The following HSCB variants were observed in gnomAD, a reference collection of about 807,000 sequenced individuals.
HSCB encodes HscB mitochondrial iron-sulfur cluster cochaperone, also known as iron-sulfur cluster co-chaperone protein HscB.
HSCB carries 23 observed loss-of-function variants against 31.3 expected under a neutral mutation model. That is an observed-to-expected ratio of 0.74 (90% CI 0.53 to 1.04). HSCB has a LOEUF of 1.04. Ranked by LOEUF, HSCB falls within the 50% of genes least tolerant of loss-of-function variation. HSCB has a pLI of 0.00. For synonymous variants in HSCB, 110 were observed against 104.5 expected (o/e 1.05, Z -0.32); for missense variants, 297 against 288.1 (o/e 1.03, Z -0.22).
At chr22:28,748,079 G>A (rs1468347579) in intron 4 of HSCB, among the ~76,000 whole-genome samples, 1 of 152,198 alleles carries the variant, frequency 6.6e-6, no homozygotes, top group Non-Finnish European at 1.5e-5. Flanking sequence ...CAGCTACTCG[G>A]GAGGCTGAGG....
chr22:28,756,642 A>ATTTTATT (rs573769910), intron 5 of HSCB, among the ~76,000 whole-genome samples: 8 of 151,224 alleles, frequency 5.3e-5, no homozygotes, highest in Non-Finnish European at 1.0e-4. Flanking sequence ...CTAATTTTTT[A>ATTTTATT]TTTTATTTTT....
chr22:28,747,545 C>T (rs2029919191), intron 4 of HSCB, among the ~76,000 whole-genome samples: 1 of 152,116 alleles, frequency 6.6e-6, no homozygotes, highest in Admixed American at 6.6e-5. Flanking sequence ...CAAAGCAATC[C>T]ACCTTCCTCA....
At chr22:28,744,787 A>G (rs758199810) in intron 3 of HSCB, 83 bp downstream of exon 3, 109 of 1,099,834 alleles carry the variant, frequency 9.9e-5, no homozygotes, top group Non-Finnish European at 1.4e-4. Flanking sequence ...TTTATTCAGC[A>G]GAAGAGTGCT....
intron 5 of HSCB, among the ~76,000 whole-genome samples, chr22:28,756,468 T>G: frequency 1.5e-5 from 1 of 64,520 alleles, no homozygotes; most frequent in East Asian, 5.5e-4. Flanking sequence ...CCACCCACCC[T>G]TTTTTTTTTT....
At chr22:28,746,162 C>G (rs999986435) in intron 4 of HSCB, among the ~76,000 whole-genome samples, 154 bp downstream of exon 4, 3 of 152,066 alleles carry the variant, frequency 2.0e-5, no homozygotes, top group Non-Finnish European at 2.9e-5. Context: ...AAGTGGATCA[C>G]CTGAGGTCAG....
At chr22:28,756,235 G>A (rs138871238) in intron 5 of HSCB, among the ~76,000 whole-genome samples, 3,058 of 150,214 alleles carry the variant, frequency 0.02, 104 homozygotes, top group African/African-American at 0.063. Context: ...GCAACAGAGT[G>A]AGGCTCCATC....
At chr22:28,745,830 T>G (rs2054676572) in intron 3 of HSCB, 34 bp from the exon 4 acceptor site, 1 of 1,574,814 alleles carries the variant, frequency 6.3e-7, no homozygotes, top group East Asian at 2.3e-5. Flanking sequence ...CCATAGCTTC[T>G]TCAACTTATT....
Position 28,743,422 on chromosome 22 carries a change from G to T in HSCB, c.237-460G>T, listed in dbSNP as rs540271134. The stretch of plus-strand genomic sequence containing the variant: ...ATTTTACAAGAAAGCATACATCTGG[G>T]CCTAGGAGAAGGTTCAGAAATCTGA... On this transcript the variant is annotated intron_variant, in intron 1 of 5. Coordinates refer to ENST00000216027, the MANE Select transcript of HSCB (RefSeq NM_172002.5). Among the ~76,000 whole-genome samples the T allele has an allele frequency of 4.6e-5, 7 of 152,286 alleles. 1 individual carries two copies. In the South Asian group the frequency reaches 1.4e-3, roughly 32 times the overall value.
intron 4 of HSCB, among the ~76,000 whole-genome samples, chr22:28,747,635 A>G (rs1046390260): frequency 2.6e-5 from 4 of 152,202 alleles, no homozygotes; most frequent in African/African-American, 7.2e-5. Flanking sequence ...ACTGGGCACC[A>G]TAGCCTAGCC....
At position 28,742,153 on chromosome 22, in the gene HSCB, G is replaced by T; in HGVS notation, c.58G>T (p.Val20Phe). 6.2e-7 allele frequency: 1 copy of T among 1,613,560 alleles called. No homozygotes were observed. Among genetic ancestry groups the T allele is most frequent in the South Asian group, 1.1e-5 (1 of 90,994 alleles). The change falls in exon 1 of 6, where the codon GTT (valine) becomes TTT (phenylalanine). Residue 20 changes from valine (V) to phenylalanine (F), a missense_variant. By Grantham distance (50) the Val-to-Phe change is conservative. Transcript: ENST00000216027. The stretch of plus-strand genomic sequence containing the variant: ...GGTGTGGGGGTTTTGGCCGACAGGG[G>T]TTCCCAGAAGGAGACCGCTAAGCTG... ...LRVWGFWPTGVPRRRPLSCDA... is the reference protein window; with the variant it reads ...LRVWGFWPTGFPRRRPLSCDA...
chr22:28,750,418 T>C (rs547068577), intron 4 of HSCB, among the ~76,000 whole-genome samples: 2 of 152,174 alleles, frequency 1.3e-5, no homozygotes, highest in South Asian at 4.2e-4. Context: ...GCTAGTTAAT[T>C]TTAGGGTCAG....
intron 5 of HSCB, among the ~76,000 whole-genome samples, chr22:28,754,133 A>AAAAC (rs947733855): frequency 8.9e-6 from 1 of 111,938 alleles, no homozygotes; most frequent in Non-Finnish European, 1.8e-5. Context: ...CTCCATCTCA[A>AAAAC]AAACAAACAA....
chr22:28,742,598 C>G, intron 1 of HSCB: 2 of 385,080 alleles, frequency 5.2e-6, no homozygotes, highest in South Asian at 5.3e-5. Flanking sequence ...ATAGGGGGGC[C>G]GAGGCTAGAG....
rs964525625 is a variant in HSCB, at chr22:28,742,438, TGGG to T, written c.236+112_236+114del. ...CTGGCGGAAGAGAAGGCGGGACTGA[TGGG>T]GGGGCGGAGGTCTAGAGAGCAGGCG... is the stretch of plus-strand genomic sequence containing the variant. On this transcript the variant is annotated intron_variant, in intron 1 of 5. Coordinates refer to ENST00000216027, the MANE Select transcript of HSCB (RefSeq NM_172002.5). The T allele has an allele frequency of 2.0e-6, 3 of 1,493,020 alleles. No individual in the cohort carries two copies. The East Asian group carries it at 7.3e-5, about 36-fold the overall frequency. 92.5% of individuals were successfully genotyped at this position (1,493,020 alleles called of 1,614,324 possible).
chr22:28,751,609 G>C (rs189663175), intron 5 of HSCB, among the ~76,000 whole-genome samples: 2 of 152,240 alleles, frequency 1.3e-5, no homozygotes, highest in Non-Finnish European at 2.9e-5. Context: ...ACTGGGTGTG[G>C]TGGCACAACG....
At chr22:28,750,219 A>G (rs1215868829) in intron 4 of HSCB, among the ~76,000 whole-genome samples, 2 of 131,998 alleles carry the variant, frequency 1.5e-5, no homozygotes, top group Non-Finnish European at 3.1e-5. Context: ...ATTGCACTAC[A>G]GCCTGGGCAA....
intron 1 of HSCB, 138 bp from the exon 2 acceptor site, chr22:28,743,744 C>T (rs1162417223): frequency 1.8e-5 from 12 of 678,140 alleles, no homozygotes; most frequent in East Asian, 1.4e-4. Context: ...TTCTGTGTCC[C>T]TTCATAGGAC....
chr22:28,753,528 CA>C (rs1288594977), intron 5 of HSCB, among the ~76,000 whole-genome samples: 3 of 143,092 alleles, frequency 2.1e-5, no homozygotes, highest in Admixed American at 7.2e-5. Flanking sequence ...AACTCCAACT[CA>C]AAAAAAAAGG....
chr22:28,751,433 T>A, intron 5 of HSCB, 145 bp downstream of exon 5: 1 of 528,958 alleles, frequency 1.9e-6, no homozygotes, highest in Non-Finnish European at 3.3e-6. Context: ...TACATTTCTG[T>A]CTTTAAAAAA....
Sources: gnomAD v4.1 joint callset for allele counts (sites outside exome capture counted in the v4.1 genomes callset) on GRCh38, gnomAD v4.1.1 for gene constraint, MANE v1.5 for transcripts, NCBI Gene and HGNC (gene_info 2026-07-23, HGNC 2026-07-21) for gene names.